SNTG2: variants seen among roughly 807,000 people sequenced by gnomAD.
SNTG2 encodes syntrophin gamma 2.
Under a neutral mutation model 70.9 loss-of-function variants are expected in SNTG2, and 74 were observed. That is an observed-to-expected ratio of 1.04 (90% CI 0.86 to 1.27). SNTG2 has a LOEUF of 1.27. Ranked by LOEUF, SNTG2 falls within the 50% of genes most tolerant of loss-of-function variation. The probability of loss-of-function intolerance (pLI) is 0.00; values close to 1 mark genes in which losing one functional copy is unlikely to be tolerated. For missense variants in SNTG2, 717 were observed against 690.7 expected, an observed-to-expected ratio of 1.04 and a Z score of -0.43; for synonymous variants, 278 against 273.8, an observed-to-expected ratio of 1.02 and a Z score of -0.15.
At chr2:1,230,278 A>G (rs1676123871) in intron 9 of SNTG2, among the ~76,000 whole-genome samples, 1 of 152,236 alleles carries the variant, frequency 6.6e-6, no homozygotes, top group African/African-American at 2.4e-5. Flanking sequence ...TGCCTGGTAT[A>G]TCAGACACAA....
At chr2:1,246,405 C>T (rs1396149145) in intron 11 of SNTG2, among the ~76,000 whole-genome samples, 1 of 152,170 alleles carries the variant, frequency 6.6e-6, no homozygotes, top group Non-Finnish European at 1.5e-5. Context: ...CTGGAGCTGG[C>T]GCCGGCTGTG....
At chr2:1,049,191 G>A (rs551526871) in intron 1 of SNTG2, among the ~76,000 whole-genome samples, 2 of 152,262 alleles carry the variant, frequency 1.3e-5, no homozygotes, top group Admixed American at 1.3e-4. Flanking sequence ...GTTCAAACGA[G>A]GATACACTCT....
intron 14 of SNTG2, among the ~76,000 whole-genome samples, chr2:1,281,905 C>A (rs1332917400): frequency 6.6e-6 from 1 of 152,164 alleles, no homozygotes; most frequent in African/African-American, 2.4e-5. Flanking sequence ...CCGTCCGTGT[C>A]TCCTCAAGCC....
chr2:1,167,507 G>A (rs1222438904), intron 7 of SNTG2, among the ~76,000 whole-genome samples: 21 of 137,790 alleles, frequency 1.5e-4, no homozygotes, highest in African/African-American at 5.4e-4. Context: ...GCCCACAGAC[G>A]GCAGAACTGA....
chr2:1,352,865 A>G (rs753968537), intron 16 of SNTG2, among the ~76,000 whole-genome samples: 2 of 152,098 alleles, frequency 1.3e-5, no homozygotes, highest in Admixed American at 6.5e-5. Context: ...TGCCTTATTA[A>G]TTTGACAAAG....
intron 6 of SNTG2, among the ~76,000 whole-genome samples, 188 bp from the exon 7 acceptor site, chr2:1,165,360 T>C (rs1558479443): frequency 6.6e-6 from 1 of 151,980 alleles, no homozygotes; most frequent in Non-Finnish European, 1.5e-5. Context: ...GTGTGGGGGG[T>C]AGGTGGTCTC....
At chr2:1,030,276 G>C (rs965835575) in intron 1 of SNTG2, among the ~76,000 whole-genome samples, 3 of 152,200 alleles carry the variant, frequency 2.0e-5, no homozygotes, top group African/African-American at 4.8e-5. Flanking sequence ...GCGTGTGTTA[G>C]AGACGTGCTT....
intron 13 of SNTG2, among the ~76,000 whole-genome samples, chr2:1,264,649 C>A (rs1301917412): frequency 1.3e-5 from 2 of 152,220 alleles, no homozygotes; most frequent in African/African-American, 4.8e-5. Flanking sequence ...TCAATAAATA[C>A]AGTGCAGTGC....
intron 1 of SNTG2, among the ~76,000 whole-genome samples, chr2:991,949 A>C: frequency 6.6e-6 from 1 of 152,190 alleles, no homozygotes; most frequent in East Asian, 1.9e-4. Context: ...CTCACCTGTT[A>C]AGTCAAGAAG....
chr2:1,122,384 C>T (rs1667429625), intron 4 of SNTG2, among the ~76,000 whole-genome samples: 1 of 152,132 alleles, frequency 6.6e-6, no homozygotes, highest in South Asian at 2.1e-4. Flanking sequence ...CCAAGTCCAA[C>T]AGCACATTAG....
intron 2 of SNTG2, among the ~76,000 whole-genome samples, chr2:1,096,078 C>T (rs540639742): frequency 9.2e-5 from 14 of 152,178 alleles, no homozygotes; most frequent in Non-Finnish European, 1.5e-4. Flanking sequence ...CAAAGTCAAC[C>T]GTCCATGTGT....
At chr2:1,089,271 G>T (rs1001684632) in intron 2 of SNTG2, among the ~76,000 whole-genome samples, 10 of 152,182 alleles carry the variant, frequency 6.6e-5, no homozygotes, top group African/African-American at 2.4e-4. Context: ...CCAGAATAGG[G>T]TTCACTTTAA....
At chr2:1,044,809 T>C (rs1434476955) in intron 1 of SNTG2, among the ~76,000 whole-genome samples, 2 of 152,170 alleles carry the variant, frequency 1.3e-5, no homozygotes, top group African/African-American at 4.8e-5. Flanking sequence ...TTGTTGGGGA[T>C]TTTTTCATCT....
chr2:1,055,991 G>A (rs142929344), intron 1 of SNTG2, among the ~76,000 whole-genome samples: 9 of 151,922 alleles, frequency 5.9e-5, no homozygotes, highest in Non-Finnish European at 1.2e-4. Context: ...GCGGTGGGTC[G>A]CGGGGACTGC....
Position 1,316,717 on chromosome 2 carries a change from G to A in SNTG2, c.1488+342G>A, listed in dbSNP as rs191750198. ...TGAGCATCAGGCCAGCATTCGAGAA[G>A]GTTGGGATTCTGGAGCACTTAGCAT... On this transcript the variant is annotated intron_variant, in intron 16 of 16. Coordinates refer to ENST00000308624, the MANE Select transcript of SNTG2 (RefSeq NM_018968.4). 6.0e-5 allele frequency among the ~76,000 whole-genome samples: 8 copies of A among 134,422 alleles called. 2 individuals are homozygous for A. Among genetic ancestry groups the A allele is most frequent in the African/African-American group, 2.2e-4 (8 of 37,150 alleles). 88.2% of individuals were successfully genotyped at this position (134,422 alleles called of 152,430 possible).
chr2:1,054,599 C>A (rs1021404221), intron 1 of SNTG2, among the ~76,000 whole-genome samples: 1 of 152,096 alleles, frequency 6.6e-6, no homozygotes, highest in Non-Finnish European at 1.5e-5. Flanking sequence ...CCCACAGAGC[C>A]GCCTTGGTGA....
At chr2:1,130,545 G>A (rs1015232711) in intron 4 of SNTG2, among the ~76,000 whole-genome samples, 1 of 152,132 alleles carries the variant, frequency 6.6e-6, no homozygotes, top group Non-Finnish European at 1.5e-5. Context: ...TCACAGTCGG[G>A]CTGGTGGGAA....
intron 1 of SNTG2, among the ~76,000 whole-genome samples, chr2:993,875 A>C (rs1661586681): frequency 6.6e-6 from 1 of 152,102 alleles, no homozygotes; most frequent in East Asian, 1.9e-4. Flanking sequence ...GAGTGTTTTA[A>C]AAATAATTTT....
At chr2:1,098,511 T>C (rs778199148) in intron 4 of SNTG2, 101 bp downstream of exon 4, 1 of 1,225,716 alleles carries the variant, frequency 8.2e-7, no homozygotes, top group Non-Finnish European at 1.2e-6. Context: ...TTTGCTCGAT[T>C]ACCTAAACTT....
Sources: gnomAD v4.1 joint callset for allele counts (sites outside exome capture counted in the v4.1 genomes callset) on GRCh38, gnomAD v4.1.1 for gene constraint, MANE v1.5 for transcripts, NCBI Gene and HGNC (gene_info 2026-07-23, HGNC 2026-07-21) for gene names.